Variants in AUTS2 observed in about 807,000 individuals in gnomAD.
AUTS2 encodes the protein autism susceptibility gene 2 protein.
AUTS2 carries 17 observed loss-of-function variants against 112.4 expected under a neutral mutation model. The ratio of observed to expected loss-of-function variants is 0.15; its 90% CI spans 0.10 to 0.23. The LOEUF is 0.23. Ranked by LOEUF, AUTS2 falls within the 10% of genes least tolerant of loss-of-function variation. The pLI, the probability that AUTS2 is intolerant of heterozygous loss-of-function variation, is 1.00. For missense variants in AUTS2, 1,510 were observed against 1,701.6 expected (o/e 0.89, Z 1.98); for synonymous variants, 751 against 702.7 (o/e 1.07, Z -1.09).
intron 6 of AUTS2, among the ~76,000 whole-genome samples, chr7:70,704,206 G>A (rs991267957): frequency 5.9e-5 from 9 of 152,216 alleles, no homozygotes; most frequent in African/African-American, 1.2e-4. Context: ...TTGTGAATGC[G>A]TGTGGTGGTG....
intron 5 of AUTS2, among the ~76,000 whole-genome samples, chr7:70,529,054 G>A (rs1404439657): frequency 1.3e-5 from 2 of 152,128 alleles, no homozygotes; most frequent in Non-Finnish European, 2.9e-5. Context: ...GCAGTTGGTT[G>A]ACTAATGCCA....
At chr7:70,020,981 T>TCTTTA (rs1358027689) in intron 2 of AUTS2, among the ~76,000 whole-genome samples, 6 of 149,326 alleles carry the variant, frequency 4.0e-5, no homozygotes, top group Non-Finnish European at 8.9e-5. Flanking sequence ...TAGAAACTTT[T>TCTTTA]CTTTTCTTTT....
chr7:70,320,724 T>C (rs1790214691), intron 4 of AUTS2, among the ~76,000 whole-genome samples: 1 of 152,164 alleles, frequency 6.6e-6, no homozygotes. Flanking sequence ...ATGGTGGATG[T>C]TGACCAAGGC....
At chr7:70,130,346 T>G (rs1806207901) in intron 3 of AUTS2, among the ~76,000 whole-genome samples, 1 of 152,188 alleles carries the variant, frequency 6.6e-6, no homozygotes, top group African/African-American at 2.4e-5. Flanking sequence ...TTGAAATCCC[T>G]TATTGTAAGT....
chr7:70,548,926 C>A (rs1489717964), intron 5 of AUTS2, among the ~76,000 whole-genome samples: 1 of 22,008 alleles, frequency 4.5e-5, no homozygotes, highest in African/African-American at 1.2e-4. Context: ...CAATTTCTAC[C>A]CCCCCCCCAA....
At chr7:70,326,532 T>G (rs533778305) in intron 4 of AUTS2, among the ~76,000 whole-genome samples, 4 of 152,216 alleles carry the variant, frequency 2.6e-5, no homozygotes, top group Non-Finnish European at 5.9e-5. Context: ...GACGTACACC[T>G]GGAGCCCAGC....
At chr7:69,767,861 A>G (rs1348641892) in intron 1 of AUTS2, among the ~76,000 whole-genome samples, 3 of 152,236 alleles carry the variant, frequency 2.0e-5, no homozygotes, top group East Asian at 1.9e-4. Context: ...TGCAGCATCC[A>G]GGACCAATTT....
chr7:70,160,993 T>G (rs1352058481), intron 4 of AUTS2, among the ~76,000 whole-genome samples: 1 of 152,176 alleles, frequency 6.6e-6, no homozygotes, highest in African/African-American at 2.4e-5. Context: ...GAAACAGAAC[T>G]TGTGCGTTCC....
chr7:70,134,603 T>A (rs1386485822), intron 4 of AUTS2, 32 bp downstream of exon 4: 5 of 1,606,282 alleles, frequency 3.1e-6, no homozygotes, highest in Non-Finnish European at 4.3e-6. Context: ...CATATGTGCC[T>A]TGCATTGGCA....
intron 5 of AUTS2, among the ~76,000 whole-genome samples, chr7:70,471,146 G>C (rs565661931): frequency 6.8e-4 from 103 of 152,318 alleles, no homozygotes; most frequent in African/African-American, 2.2e-3. Context: ...GATTCTTGAA[G>C]AAAGAGGTTC....
chr7:70,416,817 C>T (rs770122141), intron 4 of AUTS2, among the ~76,000 whole-genome samples: 2 of 152,124 alleles, frequency 1.3e-5, no homozygotes, highest in Non-Finnish European at 2.9e-5. Flanking sequence ...ATGATTGCAG[C>T]CTCCTGCACC....
Position 69,792,284 on chromosome 7 carries a change from G to C in AUTS2, c.310-107002G>C, listed in dbSNP as rs1464786680. On this transcript the variant is annotated intron_variant, in intron 1 of 18. Coordinates refer to ENST00000342771, the MANE Select transcript of AUTS2 (RefSeq NM_015570.4). ...AGACGGAGTCTCGCTCTGTCGCCCA[G>C]GCTGGAGCGCAGTGGCGCAATCTCT... Among the ~76,000 whole-genome samples the C allele has an allele frequency of 4.6e-5, 7 of 150,682 alleles. No individual in the cohort carries two copies. The South Asian group carries it at 1.5e-3, about 32-fold the overall frequency.
At chr7:70,460,338 CTTTTTTTTTT>C (rs10537541) in intron 5 of AUTS2, among the ~76,000 whole-genome samples, 2 of 38,182 alleles carry the variant, frequency 5.2e-5, no homozygotes, top group African/African-American at 1.1e-4. Context: ...ACAGCCTGGT[CTTTTTTTTTT>C]TTTTTTTTTT....
chr7:69,902,888 G>A (rs765093283), intron 2 of AUTS2, among the ~76,000 whole-genome samples: 1 of 152,124 alleles, frequency 6.6e-6, no homozygotes, highest in Admixed American at 6.5e-5. Flanking sequence ...TGCTGAGGTG[G>A]CACCTGTCTT....
chr7:70,254,212 C>T (rs1276262279), intron 4 of AUTS2, among the ~76,000 whole-genome samples: 1 of 152,156 alleles, frequency 6.6e-6, no homozygotes, highest in Non-Finnish European at 1.5e-5. Flanking sequence ...TCCTGCCAAA[C>T]ACGGACACTC....
At chr7:69,652,588 C>T (rs1193023850) in intron 1 of AUTS2, among the ~76,000 whole-genome samples, 2 of 151,894 alleles carry the variant, frequency 1.3e-5, no homozygotes, top group African/African-American at 4.8e-5. Context: ...CCTGTTTCTA[C>T]AGGTGCAGTG....
intron 4 of AUTS2, among the ~76,000 whole-genome samples, chr7:70,158,783 G>A (rs1276056366): frequency 6.6e-6 from 1 of 152,026 alleles, no homozygotes; most frequent in African/African-American, 2.4e-5. Context: ...GAGTATGTGT[G>A]ATTTTTATTT....
chr7:70,523,744 A>G (rs1037207819), intron 5 of AUTS2, among the ~76,000 whole-genome samples: 7 of 152,212 alleles, frequency 4.6e-5, no homozygotes, highest in African/African-American at 1.7e-4. Flanking sequence ...CTATAGCTGG[A>G]AAGTACAACG....
chr7:70,522,251 A>G (rs1799673422), intron 5 of AUTS2, among the ~76,000 whole-genome samples: 1 of 152,238 alleles, frequency 6.6e-6, no homozygotes. Context: ...GAACACAGAA[A>G]GAAAAAATAG....
Sources: gnomAD v4.1 joint callset for allele counts (sites outside exome capture counted in the v4.1 genomes callset) on GRCh38, gnomAD v4.1.1 for gene constraint, MANE v1.5 for transcripts, NCBI Gene and HGNC (gene_info 2026-07-23, HGNC 2026-07-21) for gene names.